The following BRSK2 variants were observed in gnomAD, a reference collection of about 807,000 sequenced individuals.
BRSK2 encodes serine/threonine-protein kinase BRSK2.
BRSK2 carries 19 observed loss-of-function variants against 83.3 expected under a neutral mutation model. The observed-to-expected ratio is 0.23, with a 90% CI of 0.16 to 0.33. The LOEUF (loss-of-function observed/expected upper bound fraction) is 0.33. Among genes scored for constraint, BRSK2 ranks in the 10% least tolerant of loss-of-function variants. BRSK2 has a pLI of 1.00. For synonymous variants in BRSK2, 519 were observed against 435.4 expected, an observed-to-expected ratio of 1.19 and a Z score of -2.39; for missense variants, 798 against 1,042.3, an observed-to-expected ratio of 0.77 and a Z score of 3.23.
At chr11:1,403,732 T>C (rs1846646041) in intron 1 of BRSK2, among the ~76,000 whole-genome samples, 1 of 152,160 alleles carries the variant, frequency 6.6e-6, no homozygotes, top group Non-Finnish European at 1.5e-5. Context: ...TGGACCCCCA[T>C]GCTGGTGAGA....
rs1307820143 is a variant in BRSK2, at chr11:1,454,751, G to A, written c.1668+143G>A. ...CGCTCACCCGTGGGCCTGCCTGGCC[G>A]CCTTCACTGGACAGGCGCTCTCTCC... On this transcript the variant is annotated intron_variant, in intron 16 of 19. Coordinates refer to ENST00000528841, the MANE Select transcript of BRSK2 (RefSeq NM_001256627.2). This position sits in a 1 kb window ranked among gnomAD's most constrained non-coding sequence, Gnocchi z 5.2. 20 of 1,092,360 alleles carry A rather than the reference G, an allele frequency of 1.8e-5. No individual in the cohort carries two copies. In the East Asian group the frequency reaches 2.4e-4, roughly 13 times the overall value. The allele number at this position is 1,092,360 out of a possible 1,614,324, so 67.7% of individuals were successfully genotyped here. A position where few individuals can be genotyped will look rare whatever the true frequency, so the allele number is the denominator to read the frequency against.
chr11:1,408,286 C>T (rs936683366), intron 1 of BRSK2, among the ~76,000 whole-genome samples: 1 of 152,236 alleles, frequency 6.6e-6, no homozygotes, highest in Non-Finnish European at 1.5e-5. Context: ...CACTCATGCC[C>T]CAGGAATCCA....
intron 10 of BRSK2, 55 bp from the exon 11 acceptor site, chr11:1,445,516 G>C: frequency 6.2e-7 from 1 of 1,603,822 alleles, no homozygotes. Flanking sequence ...GCGCTGCCCC[G>C]GAGGAGCCGG....
At chr11:1,460,300 G>A (rs1053856396) in intron 19 of BRSK2, among the ~76,000 whole-genome samples, 200 bp from the exon 20 acceptor site, 28 of 151,912 alleles carry the variant, frequency 1.8e-4, no homozygotes, top group Admixed American at 1.7e-3. Flanking sequence ...GCCGCCGCCT[G>A]CCCACCCTGC....
At chr11:1,407,701 A>G (rs1407515957) in intron 1 of BRSK2, among the ~76,000 whole-genome samples, 1 of 152,242 alleles carries the variant, frequency 6.6e-6, no homozygotes, top group Non-Finnish European at 1.5e-5. Context: ...AAAATGTTTC[A>G]TCGGGCTAAT....
At chr11:1,451,512 T>C (rs1845819775) in intron 15 of BRSK2, 93 bp downstream of exon 15, 2 of 1,357,732 alleles carry the variant, frequency 1.5e-6, no homozygotes, top group Admixed American at 1.7e-5. Flanking sequence ...AACGGGGTGC[T>C]CCTTCTCCAC....
intron 1 of BRSK2, among the ~76,000 whole-genome samples, chr11:1,424,079 A>G (rs1848927807): frequency 6.6e-6 from 1 of 151,710 alleles, no homozygotes; most frequent in Admixed American, 6.6e-5. Context: ...GGTCACATTC[A>G]TGCGCCCCAG....
intron 1 of BRSK2, among the ~76,000 whole-genome samples, chr11:1,428,913 G>T (rs564029637): frequency 6.6e-6 from 1 of 151,534 alleles, no homozygotes; most frequent in African/African-American, 2.4e-5. Context: ...CTGGGTGCTT[G>T]TGTGCACTGG....
intron 18 of BRSK2, chr11:1,457,031 T>C: frequency 6.3e-7 from 1 of 1,592,928 alleles, no homozygotes; most frequent in Non-Finnish European, 8.5e-7. Context: ...GCTACGAGAG[T>C]AGCCTCTGAC....
chr11:1,449,128 C>T (rs940924350), intron 12 of BRSK2, among the ~76,000 whole-genome samples: 1 of 152,222 alleles, frequency 6.6e-6, no homozygotes, highest in East Asian at 1.9e-4. Flanking sequence ...GGGGTGGCGG[C>T]CACACACCGG....
intron 1 of BRSK2, among the ~76,000 whole-genome samples, chr11:1,416,925 T>C (rs1174790145): frequency 1.3e-5 from 2 of 151,730 alleles, no homozygotes; most frequent in African/African-American, 4.8e-5. Context: ...CTTTGGGAGG[T>C]CAAGGAGGGC....
intron 1 of BRSK2, among the ~76,000 whole-genome samples, chr11:1,421,250 C>T (rs976180909): frequency 1.3e-5 from 2 of 152,204 alleles, no homozygotes; most frequent in African/African-American, 2.4e-5. Flanking sequence ...AGGCCAGGCA[C>T]GTCTGGGGTC....
chr11:1,445,033 G>A (rs762024416), intron 9 of BRSK2, 31 bp downstream of exon 9: 5 of 1,607,448 alleles, frequency 3.1e-6, no homozygotes, highest in Non-Finnish European at 4.3e-6. Flanking sequence ...CTAATCGCCT[G>A]CTTTGCCTGT....
rs140216901 is a variant in BRSK2 at position 1,392,370 on chromosome 11, G to A, written c.91+1995G>A. On this transcript the variant is annotated intron_variant, in intron 1 of 19. Transcript: ENST00000528841. The stretch of plus-strand genomic sequence containing the variant: ...CTTCCAGGGACCTGGCCACAGGGGA[G>A]CTGTGGAGGCCTTGCTTGGGGGGCC... Among the ~76,000 whole-genome samples, 682 of 152,376 alleles carry A rather than the reference G, an allele frequency of 4.5e-3. 8 individuals carry two copies. The highest frequency in any genetic ancestry group is 0.016 in the African/African-American group (660 of 41,590).
At chr11:1,450,199 C>T (rs551108926) in intron 13 of BRSK2, among the ~76,000 whole-genome samples, 12 of 151,866 alleles carry the variant, frequency 7.9e-5, no homozygotes, top group South Asian at 4.2e-4. Flanking sequence ...CCACCCCGCT[C>T]GCTCCCTGCG....
intron 1 of BRSK2, among the ~76,000 whole-genome samples, chr11:1,428,490 A>G (rs557861943): frequency 1.3e-5 from 2 of 152,296 alleles, no homozygotes; most frequent in South Asian, 4.1e-4. Flanking sequence ...TCTGTGAAAT[A>G]GGGGTGAAGG....
Position 1,443,651 on chromosome 11 carries a change from G to A in BRSK2, c.780+16G>A. On this transcript the variant is annotated intron_variant, in intron 8 of 19. Coordinates refer to ENST00000528841, the MANE Select transcript of BRSK2 (RefSeq NM_001256627.2). ...CCGCCTCACGGTGCGTGCCCTCGGAGCGGGGCGGCCCCAGAGCGTGGCGGG... is the reference window on the plus strand; with the variant it reads ...CCGCCTCACGGTGCGTGCCCTCGGAACGGGGCGGCCCCAGAGCGTGGCGGG... The A allele has an allele frequency of 6.4e-7, 1 of 1,572,008 alleles. No individual in the cohort carries two copies. The highest frequency in any genetic ancestry group is 8.6e-7 in the Non-Finnish European group (1 of 1,161,176).
intron 12 of BRSK2, among the ~76,000 whole-genome samples, chr11:1,446,771 C>T (rs550921042): frequency 1.3e-5 from 2 of 152,318 alleles, no homozygotes; most frequent in South Asian, 4.1e-4. Flanking sequence ...GTGGCAGCTT[C>T]CAACACTTGG....
At chr11:1,440,601 C>T (rs1433680654) in intron 3 of BRSK2, among the ~76,000 whole-genome samples, 187 bp from the exon 4 acceptor site, 2 of 152,142 alleles carry the variant, frequency 1.3e-5, no homozygotes, top group East Asian at 1.9e-4. Flanking sequence ...TGAGGTCCAC[C>T]CCCAGGAGCC....
Sources: gnomAD v4.1 joint callset for allele counts (sites outside exome capture counted in the v4.1 genomes callset) on GRCh38, gnomAD v4.1.1 for gene constraint, Gnocchi (gnomAD v3.1) non-coding constraint, MANE v1.5 for transcripts, NCBI Gene and HGNC (gene_info 2026-07-23, HGNC 2026-07-21) for gene names.